Variants in UBR2 observed in about 807,000 individuals in gnomAD.
The protein encoded by UBR2 is ubiquitin protein ligase E3 component n-recognin 2.
A neutral mutation model predicts 247.9 loss-of-function variants in UBR2; 92 were observed. The observed-to-expected ratio is 0.37, with a 90% CI of 0.31 to 0.44. The LOEUF (loss-of-function observed/expected upper bound fraction) is 0.44. UBR2 is among the 20% of genes least tolerant of loss of function. UBR2 has a pLI of 1.00. For synonymous variants in UBR2, 672 were observed against 693.5 expected (o/e 0.97, Z 0.49); for missense variants, 1,613 against 2,112.6 (o/e 0.76, Z 4.64).
chr6:42,585,766 G>A (rs1374089473), intron 2 of UBR2, among the ~76,000 whole-genome samples: 1 of 152,016 alleles, frequency 6.6e-6, no homozygotes, highest in Non-Finnish European at 1.5e-5. Flanking sequence ...CTATAATGAT[G>A]TCTCTTTCAT....
At chr6:42,645,658 A>G (rs1796709440) in intron 21 of UBR2, 68 bp downstream of exon 21, 4 of 1,510,996 alleles carry the variant, frequency 2.6e-6, no homozygotes, top group Non-Finnish European at 3.6e-6. Flanking sequence ...TAGTATCTAT[A>G]GATTTACTTC....
At position 42,606,676 on chromosome 6, in the gene UBR2, T is replaced by C. The variant is rs1267104188; in HGVS notation, c.864+25T>C. 8 of 1,537,944 alleles carry C rather than the reference T, an allele frequency of 5.2e-6. No individual in the cohort carries two copies. The South Asian group carries it at 9.6e-5, about 19-fold the overall frequency. ...GGTAAGTAATTTAAAAACATGCTTA[T>C]ATTATTTTTTATTAGTTTAAAACTA... On this transcript the variant is annotated intron_variant, in intron 7 of 46. Transcript: ENST00000372901.
At chr6:42,577,157 G>C (rs1053719048) in intron 2 of UBR2, among the ~76,000 whole-genome samples, 8 of 152,140 alleles carry the variant, frequency 5.3e-5, no homozygotes, top group African/African-American at 1.9e-4. Context: ...AAAATGACAC[G>C]GAGTCTGTTA....
At chr6:42,600,315 A>C (rs1020248999) in intron 4 of UBR2, among the ~76,000 whole-genome samples, 5 of 150,116 alleles carry the variant, frequency 3.3e-5, no homozygotes, top group African/African-American at 1.2e-4. Flanking sequence ...ACTCACCAAC[A>C]GATGAACATT....
Position 42,670,712 on chromosome 6 carries a change from A to G in UBR2, c.4083A>G (p.Arg1361=). ...CATTGTTTGGTCCTTTACCTTGCAGACTGGTAAGTTCTCAGTTTATTCAGT... is the reference window on the plus strand; with the variant it reads ...CATTGTTTGGTCCTTTACCTTGCAGGCTGGTAAGTTCTCAGTTTATTCAGT... ...DKPLFGPLPC[R]LDDCLRSLTR... Residue 1361 remains arginine, a synonymous_variant, in exon 36 of 47, where the codon AGA becomes AGG. Transcript: ENST00000372901. 1 of 1,608,756 alleles carries G rather than the reference A, an allele frequency of 6.2e-7. No individual in the cohort carries two copies. The highest frequency in any genetic ancestry group is 2.2e-5 in the East Asian group (1 of 44,652).
At chr6:42,673,718 C>A in intron 36 of UBR2, 73 bp from the exon 37 acceptor site, 2 of 1,071,422 alleles carry the variant, frequency 1.9e-6, no homozygotes, top group South Asian at 1.3e-5. Context: ...TCCAGCTGTG[C>A]TCTGAACTAG....
intron 11 of UBR2, among the ~76,000 whole-genome samples, chr6:42,621,770 C>G (rs1239794466): frequency 6.6e-6 from 1 of 151,998 alleles, no homozygotes; most frequent in African/African-American, 2.4e-5. Context: ...CAGCCTTGGC[C>G]ATTCTTAATC....
At chr6:42,597,500 G>A (rs1793048628) in intron 4 of UBR2, among the ~76,000 whole-genome samples, 1 of 151,814 alleles carries the variant, frequency 6.6e-6, no homozygotes, top group African/African-American at 2.4e-5. Context: ...GGAGGCTGAG[G>A]TAAGGGGATC....
At chr6:42,566,607 C>T (rs940356458) in intron 1 of UBR2, among the ~76,000 whole-genome samples, 1 of 152,192 alleles carries the variant, frequency 6.6e-6, no homozygotes, top group African/African-American at 2.4e-5. Flanking sequence ...AGGATGGTCT[C>T]GAACTCCTGA....
chr6:42,575,971 T>G (rs1446523663), intron 2 of UBR2, among the ~76,000 whole-genome samples: 1 of 152,160 alleles, frequency 6.6e-6, no homozygotes, highest in Non-Finnish European at 1.5e-5. Context: ...CAAGCTATCT[T>G]TGTTCTTTTT....
chr6:42,647,051 GC>G (rs1796810224), intron 21 of UBR2, among the ~76,000 whole-genome samples: 1 of 151,388 alleles, frequency 6.6e-6, no homozygotes, highest in African/African-American at 2.4e-5. Flanking sequence ...CGAACTCCTG[GC>G]CTCAAGTGAT....
At chr6:42,610,394 G>A (rs1793992755) in intron 7 of UBR2, among the ~76,000 whole-genome samples, 1 of 152,120 alleles carries the variant, frequency 6.6e-6, no homozygotes, top group Admixed American at 6.5e-5. Context: ...CCCCGTTCAA[G>A]CATCATAATT....
rs541675548 is a variant in UBR2 at position 42,570,684 on chromosome 6, GTTGT to G, written c.79-3039_79-3036del. Among the ~76,000 whole-genome samples the G allele has an allele frequency of 2.2e-3, 312 of 143,804 alleles. 1 individual carries two copies. The highest frequency in any genetic ancestry group is 3.5e-3 in the Non-Finnish European group (228 of 65,902). The allele number at this position is 143,804 out of a possible 152,430, so 94.3% of individuals were successfully genotyped here. ...ATGTAAAGTGGCTAGTTTTTTTTTTGTTGTTTGTTTGTTTTTTGAGACAGGATCT... is the reference window on the plus strand; with the variant it reads ...ATGTAAAGTGGCTAGTTTTTTTTTTGTTGTTTGTTTTTTGAGACAGGATCT... On this transcript the variant is annotated intron_variant, in intron 1 of 46. Coordinates refer to ENST00000372901, the MANE Select transcript of UBR2 (RefSeq NM_001363705.2).
intron 43 of UBR2, 27 bp downstream of exon 43, chr6:42,683,138 A>G (rs373841645): frequency 2.3e-5 from 37 of 1,586,434 alleles, no homozygotes; most frequent in Admixed American, 5.1e-5. Flanking sequence ...CAAAAACTTT[A>G]TTGAGGTGGG....
chr6:42,601,158 A>G (rs894429172), intron 4 of UBR2, among the ~76,000 whole-genome samples: 2 of 152,162 alleles, frequency 1.3e-5, no homozygotes, highest in Non-Finnish European at 2.9e-5. Context: ...TATGGGCTAT[A>G]ACTGTAAGAA....
At chr6:42,662,318 A>G (rs1389583751) in intron 31 of UBR2, 41 bp downstream of exon 31, 1 of 1,271,086 alleles carries the variant, frequency 7.9e-7, no homozygotes, top group South Asian at 1.3e-5. Flanking sequence ...AAGTTTATCT[A>G]AGGGCTCAAT....
At chr6:42,594,336 C>A in intron 4 of UBR2, 32 bp downstream of exon 4, 3 of 1,539,970 alleles carry the variant, frequency 1.9e-6, no homozygotes, top group East Asian at 2.3e-5. Flanking sequence ...TGTTTTTAAC[C>A]CAAGTTTGAA....
intron 11 of UBR2, among the ~76,000 whole-genome samples, chr6:42,626,259 CCTT>C (rs1048957638): frequency 4.3e-4 from 66 of 152,102 alleles, no homozygotes; most frequent in African/African-American, 1.5e-3. Flanking sequence ...TTACTTTCAG[CCTT>C]CTTTTCTGAT....
intron 2 of UBR2, among the ~76,000 whole-genome samples, chr6:42,576,316 T>C (rs534751282): frequency 6.6e-6 from 1 of 152,270 alleles, no homozygotes; most frequent in East Asian, 1.9e-4. Context: ...TAAGGTTCTT[T>C]CTAGTTTTCT....
Sources: allele counts gnomAD v4.1 joint callset (sites outside exome capture counted in the v4.1 genomes callset), GRCh38; gene constraint gnomAD v4.1.1; transcripts MANE v1.5; gene names NCBI Gene and HGNC (gene_info 2026-07-23, HGNC 2026-07-21).